Variants in SPRY3 observed in about 807,000 individuals in gnomAD.
SPRY3 encodes the protein sprouty RTK signaling antagonist 3.
SPRY3 carries 15 observed loss-of-function variants against 20.2 expected under a neutral mutation model. The ratio of observed to expected loss-of-function variants is 0.74; its 90% confidence interval spans 0.50 to 1.14. The LOEUF (loss-of-function observed/expected upper bound fraction) is 1.14, where lower values mean the gene tolerates loss of function less well. Among genes scored for constraint, SPRY3 ranks in the 50% most tolerant of loss-of-function variants. The probability of loss-of-function intolerance (pLI) is 0.00; values close to 1 mark genes in which losing one functional copy is unlikely to be tolerated. For missense variants in SPRY3, 364 were observed against 363.9 expected (o/e 1.00, Z 0.00); for synonymous variants, 143 against 136.5 (o/e 1.05, Z -0.33).
At chrX:155,754,695 A>G (rs781160475) in intron 2 of SPRY3, among the ~76,000 whole-genome samples, 1 of 152,138 alleles carries the variant, frequency 6.6e-6, no homozygotes, top group African/African-American at 2.4e-5. Flanking sequence ...TTTCTATCTT[A>G]ACAATATTAA....
intron 3 of SPRY3, among the ~76,000 whole-genome samples, chrX:155,772,120 A>C (rs1182094801): frequency 6.6e-6 from 1 of 152,158 alleles, no homozygotes; most frequent in Non-Finnish European, 1.5e-5. Context: ...TTTATTTAAC[A>C]CCAAAACAAC....
chrX:155,739,058 G>C (rs2091187772), intron 2 of SPRY3, among the ~76,000 whole-genome samples: 1 of 152,164 alleles, frequency 6.6e-6, no homozygotes, highest in Non-Finnish European at 1.5e-5. Context: ...TGAGTTCCTG[G>C]GGGGAGGGGC....
intron 2 of SPRY3, among the ~76,000 whole-genome samples, chrX:155,686,093 C>T (rs1277153038): frequency 8.9e-6 from 1 of 112,051 alleles, no homozygotes; most frequent in Non-Finnish European, 1.9e-5. Flanking sequence ...TTTTATTTAA[C>T]TGATTATTTC....
chrX:155,683,375 A>G (rs1206532085), intron 2 of SPRY3, among the ~76,000 whole-genome samples: 1 of 112,173 alleles, frequency 8.9e-6, no homozygotes, highest in African/African-American at 3.2e-5. Flanking sequence ...CACCACCCTG[A>G]TCAGTCAGCA....
chrX:155,641,509 G>C (rs782576616), intron 1 of SPRY3, among the ~76,000 whole-genome samples: 134 of 115,071 alleles, frequency 1.2e-3, no homozygotes, highest in Non-Finnish European at 2.2e-3. Context: ...ATTGAGCAGA[G>C]TGGCAGTACA....
At chrX:155,718,435 A>G (rs2091035907) in intron 2 of SPRY3, among the ~76,000 whole-genome samples, 1 of 152,160 alleles carries the variant, frequency 6.6e-6, no homozygotes, top group African/African-American at 2.4e-5. Flanking sequence ...ATAGCAGAAA[A>G]CATATGAGCC....
chrX:155,767,522 G>A (rs2091340700), intron 2 of SPRY3, among the ~76,000 whole-genome samples: 1 of 151,574 alleles, frequency 6.6e-6, no homozygotes, highest in Non-Finnish European at 1.5e-5. Context: ...GGAGGAGAGG[G>A]AGACCAAGGT....
At chrX:155,742,399 C>T (rs1374214345) in intron 2 of SPRY3, among the ~76,000 whole-genome samples, 1 of 152,124 alleles carries the variant, frequency 6.6e-6, no homozygotes, top group Non-Finnish European at 1.5e-5. Context: ...TACTAGGAGA[C>T]TTTATCACTC....
intron 2 of SPRY3, among the ~76,000 whole-genome samples, chrX:155,680,861 A>G (rs1349335286): frequency 1.8e-5 from 2 of 111,350 alleles, no homozygotes; most frequent in Non-Finnish European, 3.8e-5. Context: ...TATATCTGTT[A>G]TGGTGATTGT....
At chrX:155,774,595 C>T (rs146311397) in exon 4 of SPRY3, 33 of 1,613,886 alleles carry the variant, frequency 2.0e-5, no homozygotes, top group Non-Finnish European at 2.5e-5. Context: ...CCTGCCTACC[C>T]GTGGATGCCT....
chrX:155,689,993 G>C (rs2124573532), intron 2 of SPRY3, among the ~76,000 whole-genome samples: 1 of 88,208 alleles, frequency 1.1e-5, no homozygotes, highest in South Asian at 4.7e-4. Flanking sequence ...CCTTAGCTGT[G>C]TTCCAGAGAT....
intron 2 of SPRY3, among the ~76,000 whole-genome samples, chrX:155,738,404 A>T (rs2091183018): frequency 6.6e-6 from 1 of 152,204 alleles, no homozygotes; most frequent in Admixed American, 6.5e-5. Flanking sequence ...ACAGACATTG[A>T]ACTAAAGAAA....
At chrX:155,638,025 C>T (rs1369896133) in intron 1 of SPRY3, among the ~76,000 whole-genome samples, 5 of 105,484 alleles carry the variant, frequency 4.7e-5, no homozygotes, top group Non-Finnish European at 7.7e-5. Context: ...GTAAGGTAAC[C>T]CCATTGGGTT....
intron 2 of SPRY3, among the ~76,000 whole-genome samples, chrX:155,730,858 A>G (rs1438227864): frequency 6.6e-6 from 1 of 152,158 alleles, no homozygotes; most frequent in Non-Finnish European, 1.5e-5. Context: ...TAGCATTACT[A>G]TATGCCAACA....
chrX:155,628,456 G>A (rs1478295579), intron 1 of SPRY3, among the ~76,000 whole-genome samples: 6 of 111,566 alleles, frequency 5.4e-5, no homozygotes, highest in Non-Finnish European at 1.1e-4. Flanking sequence ...CTAATATCCA[G>A]AATTTACAAG....
intron 2 of SPRY3, among the ~76,000 whole-genome samples, chrX:155,721,101 T>G: frequency 6.6e-6 from 1 of 152,072 alleles, no homozygotes; most frequent in East Asian, 1.9e-4. Flanking sequence ...TTGAAATAAT[T>G]TTAAAGAATC....
chrX:155,644,760 C>A (rs1020156417), intron 1 of SPRY3, among the ~76,000 whole-genome samples: 3 of 110,203 alleles, frequency 2.7e-5, no homozygotes, highest in African/African-American at 9.9e-5. Flanking sequence ...TGGCCCAGGG[C>A]AGGTCCAGAA....
intron 2 of SPRY3, among the ~76,000 whole-genome samples, chrX:155,737,259 C>T (rs188221626): frequency 6.6e-6 from 1 of 152,054 alleles, no homozygotes; most frequent in Non-Finnish European, 1.5e-5. Flanking sequence ...TTATCCAATC[C>T]ACCATTGATG....
rs1468696370 is a variant in SPRY3, at chrX:155,694,461, A to G, written c.-282+37436A>G. Among the ~76,000 whole-genome samples the G allele has an allele frequency of 3.6e-5, 4 of 111,408 alleles. No homozygotes were observed. In the East Asian group the frequency reaches 1.1e-3, roughly 31 times the overall value. On this transcript the variant is annotated intron_variant, in intron 2 of 3. Coordinates refer to ENST00000675360, the Ensembl canonical transcript of SPRY3. ...GATTATTCTTTATATCAGTGGTCCCAGTCCTTTTGGCACCAGGCACCAGTT... is the reference window on the plus strand; with the variant it reads ...GATTATTCTTTATATCAGTGGTCCCGGTCCTTTTGGCACCAGGCACCAGTT...
Sources: gnomAD v4.1 joint callset for allele counts (sites outside exome capture counted in the v4.1 genomes callset) on GRCh38, gnomAD v4.1.1 for gene constraint, MANE v1.5 for transcripts, NCBI Gene and HGNC (gene_info 2026-07-23, HGNC 2026-07-21) for gene names.